Variants in NUP107 observed in about 807,000 individuals in gnomAD.
NUP107 encodes the protein nucleoporin 107.
A neutral mutation model predicts 141.0 loss-of-function variants in NUP107; 101 were observed. That is an observed-to-expected ratio of 0.72 (90% CI 0.61 to 0.84). The LOEUF (loss-of-function observed/expected upper bound fraction) is 0.84, where lower values mean the gene tolerates loss of function less well. Ranked by LOEUF, NUP107 falls within the 40% of genes least tolerant of loss-of-function variation. The probability of loss-of-function intolerance (pLI) is 0.00; values close to 1 mark genes in which losing one functional copy is unlikely to be tolerated. For synonymous variants in NUP107, 319 were observed against 363.9 expected (o/e 0.88, Z 1.41); for missense variants, 941 against 1,102.7 (o/e 0.85, Z 2.08).
At chr12:68,713,375 CAAAA>C (rs139024005) in intron 10 of NUP107, among the ~76,000 whole-genome samples, 2 of 87,406 alleles carry the variant, frequency 2.3e-5, no homozygotes, top group African/African-American at 4.4e-5. Context: ...ACCCTGTCTC[CAAAA>C]AAAAAAAAAA....
intron 20 of NUP107, among the ~76,000 whole-genome samples, chr12:68,728,372 G>A (rs868740428): frequency 4.7e-5 from 7 of 149,814 alleles, no homozygotes; most frequent in African/African-American, 1.7e-4. Context: ...TGGGTGGATC[G>A]CTTGAGCCCA....
chr12:68,713,375 CAA>C (rs139024005), intron 10 of NUP107, among the ~76,000 whole-genome samples: 48 of 87,364 alleles, frequency 5.5e-4, no homozygotes, highest in South Asian at 1.2e-3. Context: ...ACCCTGTCTC[CAA>C]AAAAAAAAAA....
chr12:68,692,441 T>A (rs2059111), intron 5 of NUP107, among the ~76,000 whole-genome samples: 30,137 of 151,904 alleles, frequency 0.2, 3,741 homozygotes, highest in South Asian at 0.45. Flanking sequence ...TAGTTGGGTA[T>A]GGTGGTGCAC....
At chr12:68,727,288 C>CA (rs1464352256) in intron 19 of NUP107, 63 bp from the exon 20 acceptor site, 1 of 808,274 alleles carries the variant, frequency 1.2e-6, no homozygotes, top group Non-Finnish European at 2.0e-6. Flanking sequence ...GAATTTGTAT[C>CA]AAAAATTTTG....
chr12:68,706,015 C>T (rs1456043270), intron 8 of NUP107: 11 of 857,220 alleles, frequency 1.3e-5, no homozygotes, highest in East Asian at 4.8e-5. Context: ...GCCCCTGCAG[C>T]GGCAGAAGAC....
At chr12:68,710,794 C>T (rs1159659092) in intron 10 of NUP107, among the ~76,000 whole-genome samples, 1 of 151,524 alleles carries the variant, frequency 6.6e-6, no homozygotes, top group Non-Finnish European at 1.5e-5. Context: ...TCTAAGTAAT[C>T]GAGATGATAT....
intron 8 of NUP107, chr12:68,705,668 T>C: frequency 1.6e-6 from 1 of 612,298 alleles, no homozygotes; most frequent in Non-Finnish European, 3.1e-6. Flanking sequence ...TCCTTCAAGG[T>C]GTCCAACTCT....
In NUP107 at chr12:68,721,183, C is replaced by A; in HGVS notation, c.1311+6C>A. On this transcript the variant is annotated splice_donor_region_variant and intron_variant, in intron 15 of 27. Transcript: ENST00000229179. ...TAAGTGGGAATCTTAAGCAGGTATG[C>A]AATCTGTTTTAATGTTTAAATTTTT... 2 of 1,595,290 alleles carry A rather than the reference C, an allele frequency of 1.3e-6. No homozygotes were observed.
intron 26 of NUP107, among the ~76,000 whole-genome samples, chr12:68,738,735 C>A (rs1357451115): frequency 6.6e-6 from 1 of 152,148 alleles, no homozygotes; most frequent in East Asian, 1.9e-4. Context: ...GTCATCTTTA[C>A]CTACCTTTCA....
Position 68,719,674 on chromosome 12 carries a change from C to A in NUP107, c.1251+20C>A. On this transcript the variant is annotated intron_variant, in intron 14 of 27. Transcript: ENST00000229179. ...GAAGATGTAAGATAAATAAAATATT[C>A]AGTGATACTGTTTTTAACTCCAATT... 2 of 1,525,142 alleles carry A rather than the reference C, an allele frequency of 1.3e-6. No individual in the cohort carries two copies. Among genetic ancestry groups the A allele is most frequent in the South Asian group, 1.1e-5 (1 of 88,936 alleles). 94.5% of individuals were successfully genotyped at this position (1,525,142 alleles called of 1,614,324 possible).
At chr12:68,728,757 C>T (rs1877684342) in intron 20 of NUP107, among the ~76,000 whole-genome samples, 1 of 148,014 alleles carries the variant, frequency 6.8e-6, no homozygotes, top group Non-Finnish European at 1.5e-5. Flanking sequence ...TAATAAATAA[C>T]TTTTAAAAGT....
In NUP107 at chr12:68,692,076, G is replaced by A; in HGVS notation, c.412G>A (p.Ala138Thr). Residue 138 changes from alanine (A) to threonine (T), a missense_variant, in exon 5 of 28, where the codon GCT (alanine) becomes ACT (threonine). Physicochemically the swap from Ala to Thr is moderately conservative, Grantham distance 58. Transcript: ENST00000229179. The part of the protein sequence containing the change: ...HSITEDVTIS[A>T]VMLREDDPGE... Reference sequence around the variant, plus strand: ...TATAACAGAAGATGTAACTATCAGTGCTGTTATGTTACGTGAGGATGATCC... The same window carrying A: ...TATAACAGAAGATGTAACTATCAGTACTGTTATGTTACGTGAGGATGATCC... 6.2e-7 allele frequency: 1 copy of A among 1,610,260 alleles called. No individual in the cohort carries two copies. The highest frequency in any genetic ancestry group is 1.1e-5 in the South Asian group (1 of 90,054).
At chr12:68,697,247 G>C (rs555991993) in intron 6 of NUP107, among the ~76,000 whole-genome samples, 45 of 152,176 alleles carry the variant, frequency 3.0e-4, no homozygotes, top group Middle Eastern at 6.8e-3. Context: ...GGGCAACATG[G>C]GAAGGCCTTG....
In NUP107 at chr12:68,702,545, A is replaced by T. The variant is rs975804738; in HGVS notation, c.681-191A>T. Among the ~76,000 whole-genome samples, 3 of 152,280 alleles carry T rather than the reference A, an allele frequency of 2.0e-5. No individual in the cohort carries two copies. The South Asian group carries it at 6.2e-4, about 32-fold the overall frequency. ...CTCCCAAAGTGCTGGGATTACAGGTATGAGCCAGTGTGCCCGGCCTGTTGT... is the reference window on the plus strand; with the variant it reads ...CTCCCAAAGTGCTGGGATTACAGGTTTGAGCCAGTGTGCCCGGCCTGTTGT... On this transcript the variant is annotated intron_variant, in intron 7 of 27. Coordinates refer to ENST00000229179, the MANE Select transcript of NUP107 (RefSeq NM_020401.4).
In NUP107 at chr12:68,709,261, A is replaced by T; in HGVS notation, c.753A>T (p.Thr251=). The T allele has an allele frequency of 1.9e-6, 3 of 1,603,038 alleles. No homozygotes were observed. Among genetic ancestry groups the T allele is most frequent in the Non-Finnish European group, 2.6e-6 (3 of 1,176,012 alleles). ...AGGCTGTTAATGCCAGTGAAAAAAC[A>T]GTTGTGGAAGCGTTATTTCAGAGGG... is the stretch of plus-strand genomic sequence containing the variant. The part of the protein sequence containing the change: ...AVTAVNASEK[T]VVEALFQRDS... The change falls in exon 9 of 28, where the codon ACA becomes ACT. Residue 251 remains threonine, a synonymous_variant. Coordinates refer to ENST00000229179, the MANE Select transcript of NUP107 (RefSeq NM_020401.4).
At chr12:68,691,941 A>G (rs1304037599) in intron 4 of NUP107, 27 bp from the exon 5 acceptor site, 2 of 1,563,002 alleles carry the variant, frequency 1.3e-6, no homozygotes, top group Non-Finnish European at 1.7e-6. Context: ...ACTTTTCTGT[A>G]TTTTTACTTT....
chr12:68,695,135 A>G (rs1028741817), intron 5 of NUP107, among the ~76,000 whole-genome samples: 5 of 152,230 alleles, frequency 3.3e-5, no homozygotes, highest in East Asian at 3.8e-4. Flanking sequence ...ATTGACAACA[A>G]TGTGGAGAAA....
At chr12:68,725,465 C>A (rs560122475) in intron 17 of NUP107, among the ~76,000 whole-genome samples, 1 of 152,234 alleles carries the variant, frequency 6.6e-6, no homozygotes, top group South Asian at 2.1e-4. Flanking sequence ...AAGTTTAATA[C>A]CATTGAGAGA....
chr12:68,741,688 A>G (rs1297779001), intron 26 of NUP107, 125 bp from the exon 27 acceptor site: 6 of 737,788 alleles, frequency 8.1e-6, no homozygotes, highest in African/African-American at 5.3e-5. Flanking sequence ...GTTCATCTTC[A>G]TACTTTTTTG....
Sources: allele counts gnomAD v4.1 joint callset (sites outside exome capture counted in the v4.1 genomes callset), GRCh38; gene constraint gnomAD v4.1.1; transcripts MANE v1.5; gene names NCBI Gene and HGNC (gene_info 2026-07-23, HGNC 2026-07-21).